Variants in NEGR1 observed in about 807,000 individuals in gnomAD.
NEGR1 encodes the protein IgLON family member 4.
Under a neutral mutation model 40.9 loss-of-function variants are expected in NEGR1, and 10 were observed. That is an observed-to-expected ratio of 0.24 (90% CI 0.15 to 0.42). The LOEUF is 0.42. Ranked by LOEUF, NEGR1 falls within the 10% of genes least tolerant of loss-of-function variation. The pLI, the probability that NEGR1 is intolerant of heterozygous loss-of-function variation, is 1.00. For missense variants in NEGR1, 352 were observed against 438.9 expected (o/e 0.80, Z 1.77); for synonymous variants, 185 against 166.8 (o/e 1.11, Z -0.84).
At chr1:71,502,401 G>T (rs1364425317) in intron 6 of NEGR1, among the ~76,000 whole-genome samples, 1 of 152,132 alleles carries the variant, frequency 6.6e-6, no homozygotes, top group African/African-American at 2.4e-5. Flanking sequence ...TGGTGTAACT[G>T]CCCCAGGTGT....
At chr1:71,836,757 C>T (rs1468688201) in intron 2 of NEGR1, among the ~76,000 whole-genome samples, 1 of 151,984 alleles carries the variant, frequency 6.6e-6, no homozygotes, top group Non-Finnish European at 1.5e-5. Flanking sequence ...TAAACAAAAC[C>T]TAACCATGAT....
intron 6 of NEGR1, among the ~76,000 whole-genome samples, chr1:71,497,331 A>G (rs1365761828): frequency 6.6e-6 from 1 of 152,144 alleles, no homozygotes; most frequent in Non-Finnish European, 1.5e-5. Context: ...ATTATACCAC[A>G]TATGTGTGTA....
At chr1:72,042,614 G>T (rs757478124) in intron 1 of NEGR1, among the ~76,000 whole-genome samples, 5 of 151,886 alleles carry the variant, frequency 3.3e-5, no homozygotes, top group Non-Finnish European at 5.9e-5. Flanking sequence ...GGAAAGTTCA[G>T]AAACCACATA....
chr1:71,772,383 G>A lies in NEGR1; in HGVS notation c.535+3789C>T. Among the ~76,000 whole-genome samples the A allele has an allele frequency of 1.3e-5, 2 of 151,726 alleles. 1 individual carries two copies. The highest frequency in any genetic ancestry group is 3.9e-4 in the East Asian group (2 of 5,148). On this transcript the variant is annotated intron_variant, in intron 3 of 6. Coordinates refer to ENST00000357731, the MANE Select transcript of NEGR1 (RefSeq NM_173808.3). ...CACACCACTGCACTCTAGTCTAGGC[G>A]ACAGAGTGAGACTTCATCTCCAAAA... is the stretch of plus-strand genomic sequence containing the variant.
chr1:72,002,289 C>T (rs1646564305), intron 1 of NEGR1, among the ~76,000 whole-genome samples: 1 of 151,900 alleles, frequency 6.6e-6, no homozygotes, highest in African/African-American at 2.4e-5. Flanking sequence ...ATGAATGTTT[C>T]ATAGGTGTGA....
intron 1 of NEGR1, among the ~76,000 whole-genome samples, chr1:72,243,066 CTT>C (rs1654798902): frequency 6.6e-6 from 1 of 151,540 alleles, no homozygotes; most frequent in African/African-American, 2.4e-5. Flanking sequence ...ATTTATTTAA[CTT>C]AAAATATTTT....
intron 1 of NEGR1, among the ~76,000 whole-genome samples, chr1:72,076,299 C>A (rs1003607757): frequency 3.3e-5 from 5 of 152,104 alleles, no homozygotes; most frequent in Non-Finnish European, 7.4e-5. Flanking sequence ...TAGCTTCTTT[C>A]ACGATGTGAA....
intron 2 of NEGR1, among the ~76,000 whole-genome samples, chr1:71,817,908 T>A (rs184862491): frequency 6.6e-6 from 1 of 151,962 alleles, no homozygotes; most frequent in African/African-American, 2.4e-5. Flanking sequence ...TTAACCTATA[T>A]GTATTGGGGC....
At chr1:71,876,137 C>T (rs1048278883) in intron 2 of NEGR1, among the ~76,000 whole-genome samples, 1 of 152,066 alleles carries the variant, frequency 6.6e-6, no homozygotes, top group Non-Finnish European at 1.5e-5. Context: ...AATTTTTTAA[C>T]ATATTAACTC....
At chr1:71,849,375 C>T (rs1338287161) in intron 2 of NEGR1, among the ~76,000 whole-genome samples, 3 of 152,136 alleles carry the variant, frequency 2.0e-5, no homozygotes, top group South Asian at 2.1e-4. Context: ...TACTGGAATT[C>T]GAAGTGGAGC....
chr1:71,791,196 A>G lies in NEGR1; in HGVS notation c.410-14899T>C, dbSNP rs978696850. On this transcript the variant is annotated intron_variant, in intron 2 of 6. Transcript: ENST00000357731. Reference sequence around the variant, plus strand: ...GAAGGTAAATGTTGGATTTTCAGGAATTTTGTGAGTTGAATTTTAAGCATA... The same window carrying G: ...GAAGGTAAATGTTGGATTTTCAGGAGTTTTGTGAGTTGAATTTTAAGCATA... 1.3e-4 allele frequency among the ~76,000 whole-genome samples: 20 copies of G among 152,144 alleles called. 1 individual carries two copies. Among genetic ancestry groups the G allele is most frequent in the Non-Finnish European group, 8.8e-5 (6 of 67,994 alleles).
chr1:72,226,189 T>G (rs1291581353), intron 1 of NEGR1, among the ~76,000 whole-genome samples: 1 of 151,890 alleles, frequency 6.6e-6, no homozygotes, highest in Non-Finnish European at 1.5e-5. Flanking sequence ...AATTACACAG[T>G]CTGGATTTCT....
chr1:72,217,098 A>T (rs192257322), intron 1 of NEGR1, among the ~76,000 whole-genome samples: 11 of 151,838 alleles, frequency 7.2e-5, no homozygotes, highest in Non-Finnish European at 1.2e-4. Context: ...CCAATTTTAA[A>T]ATCTTGAATT....
intron 1 of NEGR1, among the ~76,000 whole-genome samples, chr1:72,121,386 C>T (rs1479267767): frequency 2.0e-5 from 3 of 151,926 alleles, no homozygotes; most frequent in Non-Finnish European, 4.4e-5. Flanking sequence ...ATATATAATA[C>T]AGCTATAACA....
intron 6 of NEGR1, among the ~76,000 whole-genome samples, chr1:71,453,436 A>C (rs1031790583): frequency 6.6e-6 from 1 of 152,188 alleles, no homozygotes; most frequent in South Asian, 2.1e-4. Context: ...TAAGTAAGCC[A>C]TAATACTCAA....
chr1:71,818,058 T>C (rs1658291390), intron 2 of NEGR1, among the ~76,000 whole-genome samples: 1 of 151,940 alleles, frequency 6.6e-6, no homozygotes, highest in Non-Finnish European at 1.5e-5. Context: ...AGCAAGGCTG[T>C]AAAAAGAGGG....
chr1:72,117,791 C>A (rs532164699), intron 1 of NEGR1, among the ~76,000 whole-genome samples: 1 of 151,942 alleles, frequency 6.6e-6, no homozygotes, highest in East Asian at 1.9e-4. Flanking sequence ...ATAGGCCAGA[C>A]TGTAAGCAGA....
intron 3 of NEGR1, among the ~76,000 whole-genome samples, chr1:71,737,006 C>T (rs1655058604): frequency 6.6e-6 from 1 of 152,120 alleles, no homozygotes; most frequent in African/African-American, 2.4e-5. Flanking sequence ...AAGTTGGGTG[C>T]TTCCTAAAAT....
intron 4 of NEGR1, among the ~76,000 whole-genome samples, chr1:71,639,217 A>C (rs1284760688): frequency 5.9e-5 from 9 of 151,668 alleles, no homozygotes; most frequent in African/African-American, 1.7e-4. Flanking sequence ...AAAAAAAAAA[A>C]AAAAAACAGG....
Sources: allele counts gnomAD v4.1 joint callset (sites outside exome capture counted in the v4.1 genomes callset), GRCh38; gene constraint gnomAD v4.1.1; transcripts MANE v1.5; gene names NCBI Gene and HGNC (gene_info 2026-07-23, HGNC 2026-07-21).